LRP5: variants seen among roughly 807,000 people sequenced by gnomAD.
The protein encoded by LRP5 is low-density lipoprotein receptor-related protein 5.
In LRP5, 62 loss-of-function variants were observed where a neutral mutation model predicts 154.1. The observed-to-expected ratio is 0.40, with a 90% CI of 0.33 to 0.50. The LOEUF (loss-of-function observed/expected upper bound fraction) is 0.50. LRP5 is among the 20% of genes least tolerant of loss of function. The probability of loss-of-function intolerance (pLI) is 0.55; values close to 1 mark genes in which losing one functional copy is unlikely to be tolerated. For synonymous variants in LRP5, 966 were observed against 1,011.5 expected (o/e 0.96, Z 0.85); for missense variants, 1,915 against 2,336.7 (o/e 0.82, Z 3.72).
At chr11:68,338,198 A>G (rs1385605838) in intron 1 of LRP5, among the ~76,000 whole-genome samples, 2 of 152,190 alleles carry the variant, frequency 1.3e-5, no homozygotes, top group Non-Finnish European at 2.9e-5. Flanking sequence ...TCCGATGAGC[A>G]GTTGGAGGCC....
chr11:68,424,292 A>G (rs2153173448), intron 14 of LRP5, among the ~76,000 whole-genome samples: 1 of 152,278 alleles, frequency 6.6e-6, no homozygotes, highest in Admixed American at 6.5e-5. Context: ...TGAAGACGGG[A>G]GCTACAGCCA....
rs763407700 is a variant in LRP5, at chr11:68,433,652, G to T, written c.3814G>T (p.Asp1272Tyr). 1 of 1,613,460 alleles carries T rather than the reference G, an allele frequency of 6.2e-7. No homozygotes were observed. The change falls in exon 18 of 23, where the codon GAC (aspartate) becomes TAC (tyrosine). Residue 1272 changes from aspartate (D) to tyrosine (Y), a missense_variant. Asp to Tyr is a radical substitution (Grantham distance 160, BLOSUM62 -3). This residue lies in a region of LRP5 where 1,094 missense variants were observed against 1,210.1 expected (regional missense o/e 0.90). Transcript: ENST00000294304. ...DQFACATGEI[D>Y]CIPGAWRCDG... ...GTTTGCATGTGCCACAGGGGAGATC[G>T]ACTGTATCCCCGGGGCCTGGCGCTG...
rs995559075 is a variant in LRP5 at position 68,406,703 on chromosome 11, G to A, written c.1981G>A (p.Glu661Lys). The A allele has an allele frequency of 1.2e-6, 2 of 1,614,150 alleles. No homozygotes were observed. Among genetic ancestry groups the A allele is most frequent in the Admixed American group, 1.7e-5 (1 of 60,018 alleles). Reference sequence around the variant, plus strand: ...AGCCGCCATCCACAGGATCTCCCTCGAGACCAATAACAACGACGTGGCCAT... The same window carrying A: ...AGCCGCCATCCACAGGATCTCCCTCAAGACCAATAACAACGACGTGGCCAT... ...SRAAIHRISLETNNNDVAIPL... is the reference protein window; with the variant it reads ...SRAAIHRISLKTNNNDVAIPL... The change falls in exon 9 of 23, where the codon GAG (glutamate) becomes AAG (lysine). Residue 661 changes from glutamate to lysine, a missense_variant. Transcript: ENST00000294304.
chr11:68,435,840 A>C (rs7129471), intron 18 of LRP5, among the ~76,000 whole-genome samples: 52,548 of 151,720 alleles, frequency 0.35, 9,961 homozygotes, highest in Middle Eastern at 0.5. Context: ...ATTCTCCTGT[A>C]TCAGCCTCCC....
intron 13 of LRP5, among the ~76,000 whole-genome samples, chr11:68,420,320 G>A (rs910415671): frequency 3.9e-5 from 6 of 152,212 alleles, no homozygotes; most frequent in African/African-American, 1.4e-4. Context: ...GCCCTTGTGT[G>A]ACTGGCTTCT....
intron 10 of LRP5, among the ~76,000 whole-genome samples, chr11:68,411,033 G>C (rs747299705): frequency 6.6e-6 from 1 of 152,136 alleles, no homozygotes; most frequent in Admixed American, 6.5e-5. Flanking sequence ...GTTTACATCC[G>C]GATCCCGCAA....
upstream of LRP5, among the ~76,000 whole-genome samples, chr11:68,307,882 A>G (rs1565305942): frequency 6.6e-6 from 1 of 152,262 alleles, no homozygotes; most frequent in Non-Finnish European, 1.5e-5. Context: ...GGAGGTTCAC[A>G]TCAGCACTGA....
intron 16 of LRP5, 88 bp downstream of exon 16, chr11:68,426,275 G>C: frequency 1.7e-6 from 2 of 1,170,334 alleles, no homozygotes; most frequent in Non-Finnish European, 2.4e-6. Flanking sequence ...GATCCTGTGT[G>C]GCCTCAGCCA....
In LRP5 at chr11:68,390,180, G is replaced by A. The variant is rs1591266540; in HGVS notation, c.1584+128G>A. 4 of 1,160,790 alleles carry A rather than the reference G, an allele frequency of 3.4e-6. No individual in the cohort carries two copies. The South Asian group carries it at 4.0e-5, about 12-fold the overall frequency. The allele number at this position is 1,160,790 out of a possible 1,614,324, so 71.9% of individuals were successfully genotyped here. On this transcript the variant is annotated intron_variant, in intron 7 of 22. Transcript: ENST00000294304. ...CTATTTGGCCACATGGAATGCTTGA[G>A]AAAATAGTTACAATACTTTCTGACA...
rs140772659 is a variant in LRP5, at chr11:68,420,922, C to T, written c.3028-2567C>T. On this transcript the variant is annotated intron_variant, in intron 13 of 22. Transcript: ENST00000294304. Reference sequence around the variant, plus strand: ...TTTGCACTAACCATAAGTATTTGTACTACATTAAAATGAAAGCTCAGGGGC... The same window carrying T: ...TTTGCACTAACCATAAGTATTTGTATTACATTAAAATGAAAGCTCAGGGGC... Among the ~76,000 whole-genome samples the T allele has an allele frequency of 8.2e-3, 1,247 of 152,196 alleles. 20 individuals are homozygous for T. The highest frequency in any genetic ancestry group is 0.028 in the African/African-American group (1,169 of 41,530).
chr11:68,395,240 G>T (rs370302443), intron 7 of LRP5, among the ~76,000 whole-genome samples: 1 of 149,794 alleles, frequency 6.7e-6, no homozygotes, highest in Non-Finnish European at 1.5e-5. Flanking sequence ...GGCGGAGGTT[G>T]CAGTGAGCCG....
intron 16 of LRP5, among the ~76,000 whole-genome samples, chr11:68,426,533 A>T (rs942722183): frequency 6.6e-6 from 1 of 151,066 alleles, no homozygotes; most frequent in African/African-American, 2.4e-5. Context: ...AATTAAGTGA[A>T]CACCTTGCCT....
intron 18 of LRP5, among the ~76,000 whole-genome samples, chr11:68,436,558 C>CCCG (rs201070197): frequency 2.0e-5 from 3 of 152,174 alleles, no homozygotes; most frequent in African/African-American, 7.2e-5. Context: ...CACCCACCCC[C>CCCG]CCACCAACCT....
At chr11:68,373,406 T>C (rs1442445141) in intron 5 of LRP5, among the ~76,000 whole-genome samples, 2 of 152,052 alleles carry the variant, frequency 1.3e-5, no homozygotes, top group Non-Finnish European at 2.9e-5. Context: ...GGCCCCGCAC[T>C]GCTGTGTGCC....
chr11:68,430,224 A>T (rs1023351070), intron 17 of LRP5, among the ~76,000 whole-genome samples: 1 of 152,108 alleles, frequency 6.6e-6, no homozygotes, highest in East Asian at 1.9e-4. Flanking sequence ...CTCAGGCTGG[A>T]GTGCAATGGC....
At chr11:68,402,698 C>G (rs1235303095) in intron 7 of LRP5, among the ~76,000 whole-genome samples, 1 of 152,188 alleles carries the variant, frequency 6.6e-6, no homozygotes, top group African/African-American at 2.4e-5. Flanking sequence ...TGGGTGTGAT[C>G]TGGAGCCCTC....
intron 13 of LRP5, among the ~76,000 whole-genome samples, chr11:68,417,999 G>A (rs893571199): frequency 6.6e-6 from 1 of 152,184 alleles, no homozygotes; most frequent in Admixed American, 6.5e-5. Flanking sequence ...AGTCAGGCTT[G>A]TGTGGCCTGT....
chr11:68,406,413 G>A (rs1161468864), intron 8 of LRP5, 111 bp from the exon 9 acceptor site: 35 of 1,211,252 alleles, frequency 2.9e-5, no homozygotes, highest in Non-Finnish European at 3.9e-5. Flanking sequence ...TCCTGAGCTC[G>A]GCACCCCTGA....
chr11:68,372,593 C>T (rs2098634880), intron 5 of LRP5, among the ~76,000 whole-genome samples: 2 of 152,104 alleles, frequency 1.3e-5, no homozygotes, highest in African/African-American at 2.4e-5. Context: ...CTCTGTGCTT[C>T]AGTTTGTCCG....
Sources: gnomAD v4.1 joint callset for allele counts (sites outside exome capture counted in the v4.1 genomes callset) on GRCh38, gnomAD v4.1.1 for gene constraint, gnomAD v4.1.1 regional missense constraint, MANE v1.5 for transcripts, NCBI Gene and HGNC (gene_info 2026-07-23, HGNC 2026-07-21) for gene names.